The following ABTB3 variants were observed in gnomAD, a reference collection of about 807,000 sequenced individuals.
The protein encoded by ABTB3 is ankyrin repeat and BTB domain containing 3.
At chr12:107,564,430 A>T in the ABTB3 span, among the ~76,000 whole-genome samples, 1 of 152,188 alleles carries the variant, frequency 6.6e-6, no homozygotes, top group Non-Finnish European at 1.5e-5. Context: ...CGCATTATTT[A>T]AAAGCAGCTG....
chr12:107,450,628 C>A, the ABTB3 span, among the ~76,000 whole-genome samples: 3 of 152,146 alleles, frequency 2.0e-5, no homozygotes, highest in African/African-American at 7.2e-5. Flanking sequence ...TGGTTTGTGA[C>A]AAAAGTCTGT....
chr12:107,508,037 A>G, the ABTB3 span, among the ~76,000 whole-genome samples: 4 of 152,040 alleles, frequency 2.6e-5, no homozygotes, highest in Non-Finnish European at 5.9e-5. Context: ...CTGGCACATT[A>G]TATTGAGTAG....
the ABTB3 span, among the ~76,000 whole-genome samples, chr12:107,535,875 C>T: frequency 6.6e-6 from 1 of 152,066 alleles, no homozygotes; most frequent in African/African-American, 2.4e-5. Context: ...ACACCAATGA[C>T]ATTCTTCAAA....
chr12:107,383,669 G>A, the ABTB3 span, among the ~76,000 whole-genome samples: 14 of 152,354 alleles, frequency 9.2e-5, no homozygotes, highest in Non-Finnish European at 1.2e-4. Context: ...AGAGATGGCT[G>A]CAGGATTAAT....
the ABTB3 span, among the ~76,000 whole-genome samples, chr12:107,500,276 G>A: frequency 2.0e-5 from 3 of 152,146 alleles, no homozygotes; most frequent in Non-Finnish European, 4.4e-5. Flanking sequence ...GACTGGGGTG[G>A]CAAGCACCCT....
At chr12:107,543,875 TAC>T in the ABTB3 span, 2 of 1,473,486 alleles carry the variant, frequency 1.4e-6, no homozygotes, top group Admixed American at 2.0e-5. Flanking sequence ...GATCTTCAGG[TAC>T]AGTTTCTCTG....
chr12:107,417,070 A>AT, the ABTB3 span, among the ~76,000 whole-genome samples: 1 of 152,164 alleles, frequency 6.6e-6, no homozygotes, highest in Non-Finnish European at 1.5e-5. Flanking sequence ...TAGCAACTGA[A>AT]TTTTCCCTGC....
chr12:107,399,356 G>A, the ABTB3 span, among the ~76,000 whole-genome samples: 4 of 152,158 alleles, frequency 2.6e-5, no homozygotes, highest in East Asian at 3.9e-4. Context: ...ACAGGATCTC[G>A]AGAAGCTCCC....
the ABTB3 span, among the ~76,000 whole-genome samples, chr12:107,405,765 G>A: frequency 3.9e-5 from 6 of 152,240 alleles, no homozygotes; most frequent in African/African-American, 1.4e-4. Flanking sequence ...CAGGATTGGT[G>A]CAATTGGCCT....
At chr12:107,333,130 C>G in the ABTB3 span, among the ~76,000 whole-genome samples, 2 of 152,132 alleles carry the variant, frequency 1.3e-5, no homozygotes, top group Non-Finnish European at 2.9e-5. Flanking sequence ...TCCCTCATTC[C>G]TTATGGGATG....
At chr12:107,551,727 G>T in the ABTB3 span, among the ~76,000 whole-genome samples, 1 of 151,786 alleles carries the variant, frequency 6.6e-6, no homozygotes, top group African/African-American at 2.4e-5. Context: ...GAAGAAGTTT[G>T]CTGACCTCTA....
At chr12:107,527,053 G>T in the ABTB3 span, among the ~76,000 whole-genome samples, 1 of 151,876 alleles carries the variant, frequency 6.6e-6, no homozygotes, top group African/African-American at 2.4e-5. Context: ...TATTCTCAAA[G>T]CTCCCTCGCT....
At chr12:107,522,831 G>A in the ABTB3 span, among the ~76,000 whole-genome samples, 1 of 147,674 alleles carries the variant, frequency 6.8e-6, no homozygotes, top group South Asian at 2.1e-4. Context: ...AAGGGAAGGA[G>A]GGAGGGAAAA....
chr12:107,387,220 C>T, the ABTB3 span, among the ~76,000 whole-genome samples: 7 of 152,124 alleles, frequency 4.6e-5, no homozygotes, highest in Non-Finnish European at 7.4e-5. Context: ...TCAGGTGATC[C>T]ACCCGCCTCA....
At chr12:107,469,928 C>T in the ABTB3 span, among the ~76,000 whole-genome samples, 963 of 61,030 alleles carry the variant, frequency 0.016, 57 homozygotes, top group East Asian at 0.032. Flanking sequence ...CTTTCTCTCT[C>T]TCTCTCTTTC....
the ABTB3 span, among the ~76,000 whole-genome samples, chr12:107,631,736 T>C: frequency 1.3e-5 from 2 of 152,304 alleles, no homozygotes; most frequent in Non-Finnish European, 1.5e-5. Context: ...CTGATGTTTT[T>C]CTCATGATTA....
chr12:107,554,705 T>A, the ABTB3 span, among the ~76,000 whole-genome samples: 2 of 152,170 alleles, frequency 1.3e-5, no homozygotes, highest in African/African-American at 4.8e-5. Context: ...TCATTAGGAC[T>A]GGGGTGGGGC....
chr12:107,431,909 C>T, the ABTB3 span, among the ~76,000 whole-genome samples: 10 of 152,242 alleles, frequency 6.6e-5, no homozygotes, highest in Admixed American at 5.9e-4. Flanking sequence ...GAACATGGGC[C>T]GTCCAGGGAA....
chr12:107,597,413 A>C, the ABTB3 span, among the ~76,000 whole-genome samples: 1 of 152,304 alleles, frequency 6.6e-6, no homozygotes, highest in African/African-American at 2.4e-5. Flanking sequence ...ATCTGGTGAG[A>C]GTCATCCCAC....
Sources: allele counts gnomAD v4.1 joint callset (sites outside exome capture counted in the v4.1 genomes callset), GRCh38; gene constraint gnomAD v4.1.1; transcripts MANE v1.5; gene names NCBI Gene and HGNC (gene_info 2026-07-23, HGNC 2026-07-21).